MIR2052HG: variants seen among roughly 807,000 people sequenced by gnomAD.
MIR2052HG encodes the protein MIR2052 host gene.
chr8:74,614,352 A>G (rs1808245344), intron 2 of MIR2052HG, among the ~76,000 whole-genome samples: 1 of 152,130 alleles, frequency 6.6e-6, no homozygotes, highest in Non-Finnish European at 1.5e-5. Context: ...ATTCAGAATC[A>G]TTATCTTCTA....
intron 2 of MIR2052HG, among the ~76,000 whole-genome samples, chr8:74,620,618 C>A (rs2128732614): frequency 6.6e-6 from 1 of 152,382 alleles, no homozygotes; most frequent in Non-Finnish European, 1.5e-5. Flanking sequence ...GAGCTGTATG[C>A]TGACCCTTTT....
chr8:74,728,268 TTAGGTTAA>T (rs1407905247), intron 4 of MIR2052HG, among the ~76,000 whole-genome samples: 1 of 152,200 alleles, frequency 6.6e-6, no homozygotes, highest in Non-Finnish European at 1.5e-5. Flanking sequence ...ATCACTGAGC[TTAGGTTAA>T]GATACCTCAC....
At chr8:74,739,943 T>C (rs547592526) in intron 4 of MIR2052HG, among the ~76,000 whole-genome samples, 1 of 152,290 alleles carries the variant, frequency 6.6e-6, no homozygotes, top group East Asian at 1.9e-4. Context: ...TTCTAATGTT[T>C]ATACACTATT....
At chr8:74,722,789 C>T (rs967822232) in intron 4 of MIR2052HG, among the ~76,000 whole-genome samples, 2 of 152,138 alleles carry the variant, frequency 1.3e-5, no homozygotes, top group African/African-American at 4.8e-5. Context: ...GGATTAATTA[C>T]CATTGTTACC....
chr8:74,667,484 A>C (rs1255173864), intron 2 of MIR2052HG, among the ~76,000 whole-genome samples: 2 of 152,196 alleles, frequency 1.3e-5, no homozygotes, highest in Non-Finnish European at 2.9e-5. Flanking sequence ...TTTTACATTT[A>C]TTTTAATAAT....
At chr8:74,646,115 CA>C (rs1808688234) in intron 2 of MIR2052HG, among the ~76,000 whole-genome samples, 1 of 139,286 alleles carries the variant, frequency 7.2e-6, no homozygotes. Flanking sequence ...AGTGGGAATA[CA>C]AACAGGTAAG....
At chr8:74,646,461 A>G (rs1808690660) in intron 2 of MIR2052HG, among the ~76,000 whole-genome samples, 1 of 152,190 alleles carries the variant, frequency 6.6e-6, no homozygotes, top group African/African-American at 2.4e-5. Context: ...ATGGTTTGGG[A>G]AACTGACTGG....
chr8:74,647,313 G>T (rs1808699264), intron 2 of MIR2052HG, among the ~76,000 whole-genome samples: 1 of 152,114 alleles, frequency 6.6e-6, no homozygotes, highest in Non-Finnish European at 1.5e-5. Context: ...TTTGACTCTG[G>T]TTCAGTCTCC....
chr8:74,681,672 G>T lies in MIR2052HG; in HGVS notation n.217-20707G>T, dbSNP rs548520685. Among the ~76,000 whole-genome samples the T allele has an allele frequency of 1.1e-4, 17 of 152,206 alleles. No individual in the cohort carries two copies. In the South Asian group the frequency reaches 3.3e-3, roughly 30 times the overall value. ...CCTGGGATTGGGCTCCTGATAAAAG[G>T]ACAAGTTTGGCCCCCGTTTGCTCTC... On this transcript the variant is annotated intron_variant and non_coding_transcript_variant, in intron 2 of 6. Transcript: ENST00000523442.
chr8:74,688,208 T>G (rs1182083322), intron 2 of MIR2052HG, among the ~76,000 whole-genome samples: 1 of 152,188 alleles, frequency 6.6e-6, no homozygotes, highest in African/African-American at 2.4e-5. Flanking sequence ...CCTGGGAGTG[T>G]TTAGATTTAG....
At chr8:74,607,385 G>A (rs552565916) in intron 1 of MIR2052HG, among the ~76,000 whole-genome samples, 1 of 152,340 alleles carries the variant, frequency 6.6e-6, no homozygotes, top group East Asian at 1.9e-4. Context: ...GCCGAGGTGG[G>A]TGGATCACCT....
At chr8:74,600,734 C>T (rs1807988232) in intron 1 of MIR2052HG, among the ~76,000 whole-genome samples, 1 of 151,962 alleles carries the variant, frequency 6.6e-6, no homozygotes, top group Non-Finnish European at 1.5e-5. Context: ...TGCCACCATG[C>T]CCAGCTAATT....
intron 2 of MIR2052HG, among the ~76,000 whole-genome samples, chr8:74,654,632 C>T (rs1407515473): frequency 6.6e-6 from 1 of 152,068 alleles, no homozygotes; most frequent in East Asian, 1.9e-4. Flanking sequence ...TTGCGTCCTG[C>T]CATGATTCTG....
intron 2 of MIR2052HG, among the ~76,000 whole-genome samples, chr8:74,685,201 C>A (rs927080442): frequency 3.9e-5 from 6 of 152,030 alleles, no homozygotes; most frequent in African/African-American, 1.4e-4. Context: ...TTAGACATTT[C>A]TGGATGTCTT....
At chr8:74,600,361 G>C (rs1023173311) in intron 1 of MIR2052HG, among the ~76,000 whole-genome samples, 16 of 151,380 alleles carry the variant, frequency 1.1e-4, no homozygotes, top group African/African-American at 3.2e-4. Context: ...GAGGTGGGCG[G>C]ATCACTTGAG....
chr8:74,602,838 T>TTTCTTTCTTTCA (rs1808031385), intron 1 of MIR2052HG, among the ~76,000 whole-genome samples: 2 of 109,206 alleles, frequency 1.8e-5, no homozygotes, highest in Non-Finnish European at 4.5e-5. Context: ...TCTTTCTTTC[T>TTTCTTTCTTTCA]TTCTTTCTTT....
intron 2 of MIR2052HG, among the ~76,000 whole-genome samples, chr8:74,644,582 T>C (rs539518901): frequency 1.3e-5 from 2 of 152,252 alleles, no homozygotes; most frequent in East Asian, 3.9e-4. Context: ...TTGTGAAACA[T>C]AGGTGCCCTG....
intron 2 of MIR2052HG, among the ~76,000 whole-genome samples, chr8:74,675,508 A>T (rs1456154346): frequency 6.6e-6 from 1 of 151,958 alleles, no homozygotes; most frequent in Non-Finnish European, 1.5e-5. Context: ...ATCTATAGGG[A>T]GTGGGGGGTC....
chr8:74,745,212 A>G (rs1005511517), intron 4 of MIR2052HG, among the ~76,000 whole-genome samples: 2 of 152,158 alleles, frequency 1.3e-5, no homozygotes, highest in African/African-American at 4.8e-5. Flanking sequence ...GCAGTGAGCT[A>G]TGATTGTTCC....
Sources: gnomAD v4.1 joint callset for allele counts (sites outside exome capture counted in the v4.1 genomes callset) on GRCh38, gnomAD v4.1.1 for gene constraint, MANE v1.5 for transcripts, NCBI Gene and HGNC (gene_info 2026-07-23, HGNC 2026-07-21) for gene names.